PTPRK: variants seen among roughly 807,000 people sequenced by gnomAD.
PTPRK encodes protein tyrosine phosphatase receptor type K, also known as receptor-type tyrosine-protein phosphatase kappa.
Under a neutral mutation model 178.0 loss-of-function variants are expected in PTPRK, and 75 were observed. The observed-to-expected ratio is 0.42, with a 90% CI of 0.35 to 0.51. The LOEUF (loss-of-function observed/expected upper bound fraction) is 0.51. PTPRK is among the 20% of genes least tolerant of loss of function. PTPRK has a pLI of 0.02. For missense variants in PTPRK, 1,441 were observed against 1,797.8 expected (o/e 0.80, Z 3.59); for synonymous variants, 637 against 620.6 (o/e 1.03, Z -0.39).
At chr6:128,516,394 A>AG (rs1328014237) in intron 1 of PTPRK, among the ~76,000 whole-genome samples, 1 of 151,660 alleles carries the variant, frequency 6.6e-6, no homozygotes. Context: ...AACTAGAGAG[A>AG]GAAAAAAAAA....
rs778539463 is a variant in PTPRK at position 127,982,962 on chromosome 6, G to A, written c.3406C>T (p.His1136Tyr). 6.2e-7 allele frequency: 1 copy of A among 1,612,768 alleles called. No homozygotes were observed. The highest frequency in any genetic ancestry group is 1.1e-5 in the South Asian group (1 of 91,010). Residue 1136 changes from histidine (H) to tyrosine (Y), a missense_variant, in exon 24 of 30, where the codon CAT becomes TAT. His to Tyr is a moderately conservative substitution (Grantham distance 83). Around this residue, in one of 4 missense-constraint regions of PTPRK, gnomAD observed 335 missense variants for 512.4 expected, o/e 0.65. Coordinates refer to ENST00000368226, the MANE Select transcript of PTPRK (RefSeq NM_002844.4). Reference sequence around the variant, plus strand: ...AAGCAGGCTTCTAAAATGGCATCATGAATAAAAATGTACTGTTCCTACCAA... The same window carrying A: ...AAGCAGGCTTCTAAAATGGCATCATAAATAAAAATGTACTGTTCCTACCAA... ...VQTEEQYIFI[H>Y]DAILEACLCG...
intron 2 of PTPRK, among the ~76,000 whole-genome samples, chr6:128,360,986 T>C (rs1450565765): frequency 6.6e-6 from 1 of 152,196 alleles, no homozygotes; most frequent in Non-Finnish European, 1.5e-5. Context: ...TGTCCCATTA[T>C]AGCTTTCTTA....
At chr6:128,197,398 C>T (rs115769415) in intron 6 of PTPRK, among the ~76,000 whole-genome samples, 4,328 of 151,750 alleles carry the variant, frequency 0.029, 142 homozygotes, top group African/African-American at 0.08. Context: ...TGTCAAGATA[C>T]TAAACTTGGA....
intron 1 of PTPRK, among the ~76,000 whole-genome samples, chr6:128,515,798 T>G (rs976672790): frequency 1.3e-5 from 2 of 152,204 alleles, no homozygotes; most frequent in South Asian, 4.1e-4. Flanking sequence ...CCAGCATCTC[T>G]CTTCCTGCAC....
In PTPRK at chr6:128,338,516, A is replaced by T. The variant is rs1224653121; in HGVS notation, c.224-16206T>A. 3.3e-5 allele frequency among the ~76,000 whole-genome samples: 5 copies of T among 152,314 alleles called. No homozygotes were observed. In the East Asian group the frequency reaches 5.8e-4, roughly 18 times the overall value. ...CAGAATCCACTGTATCACTTTCAGC[A>T]AAAACAACCAGAAAAAAGTATTAAA... is the stretch of plus-strand genomic sequence containing the variant. On this transcript the variant is annotated intron_variant, in intron 2 of 29. Coordinates refer to ENST00000368226, the MANE Select transcript of PTPRK (RefSeq NM_002844.4).
intron 7 of PTPRK, among the ~76,000 whole-genome samples, chr6:128,104,840 C>T (rs1260372810): frequency 6.6e-6 from 1 of 151,986 alleles, no homozygotes; most frequent in South Asian, 2.1e-4. Flanking sequence ...ATTAGAATAA[C>T]AAAAATGTCA....
At chr6:128,406,074 T>C (rs761260516) in intron 1 of PTPRK, among the ~76,000 whole-genome samples, 5 of 151,708 alleles carry the variant, frequency 3.3e-5, no homozygotes, top group South Asian at 4.2e-4. Flanking sequence ...CTGGGCAACA[T>C]AGGGAGAACC....
At chr6:128,165,420 G>C (rs1012326550) in intron 7 of PTPRK, among the ~76,000 whole-genome samples, 3 of 151,216 alleles carry the variant, frequency 2.0e-5, no homozygotes, top group Non-Finnish European at 4.4e-5. Context: ...TTGCATGAGA[G>C]AGGTTTTGGT....
At chr6:128,296,635 G>A (rs1349586451) in intron 3 of PTPRK, among the ~76,000 whole-genome samples, 1 of 152,096 alleles carries the variant, frequency 6.6e-6, no homozygotes, top group Non-Finnish European at 1.5e-5. Flanking sequence ...AGCTTCATAA[G>A]TGAAGGAGAA....
intron 13 of PTPRK, among the ~76,000 whole-genome samples, chr6:128,010,609 A>C (rs1778946519): frequency 6.6e-6 from 1 of 151,324 alleles, no homozygotes; most frequent in South Asian, 2.1e-4. Flanking sequence ...CAAAGTAAGA[A>C]ATCTGAAAGA....
chr6:128,473,598 G>A (rs1455538256), intron 1 of PTPRK, among the ~76,000 whole-genome samples: 3 of 151,670 alleles, frequency 2.0e-5, no homozygotes, highest in East Asian at 1.9e-4. Flanking sequence ...TGATTTTTAC[G>A]ATCAGAAATC....
chr6:128,437,369 G>A (rs1011040059), intron 1 of PTPRK, among the ~76,000 whole-genome samples: 2 of 151,960 alleles, frequency 1.3e-5, no homozygotes, highest in African/African-American at 4.8e-5. Flanking sequence ...TTGAAATGGC[G>A]GTGTGCCTCC....
At chr6:128,184,231 G>T (rs1034345780) in intron 7 of PTPRK, among the ~76,000 whole-genome samples, 1 of 152,098 alleles carries the variant, frequency 6.6e-6, no homozygotes. Flanking sequence ...ATAATGGCTT[G>T]AGAATAGAGA....
At chr6:128,418,832 C>G (rs1843126354) in intron 1 of PTPRK, among the ~76,000 whole-genome samples, 1 of 152,110 alleles carries the variant, frequency 6.6e-6, no homozygotes, top group African/African-American at 2.4e-5. Context: ...TCTCAACCAC[C>G]TTCTTGTCTA....
At chr6:128,390,623 C>T (rs770881876) in intron 2 of PTPRK, among the ~76,000 whole-genome samples, 4 of 152,074 alleles carry the variant, frequency 2.6e-5, no homozygotes, top group African/African-American at 9.7e-5. Flanking sequence ...TGATGAAGCA[C>T]GGTGGTACTG....
intron 13 of PTPRK, among the ~76,000 whole-genome samples, chr6:128,022,907 A>C (rs2114767693): frequency 6.6e-6 from 1 of 152,350 alleles, no homozygotes; most frequent in South Asian, 2.1e-4. Context: ...ACACATACTT[A>C]GTAGGTTAAG....
At chr6:128,319,451 G>A (rs1402122318) in intron 3 of PTPRK, among the ~76,000 whole-genome samples, 1 of 152,128 alleles carries the variant, frequency 6.6e-6, no homozygotes, top group Non-Finnish European at 1.5e-5. Flanking sequence ...GAGTTAGCAT[G>A]ATGTGACCTC....
At chr6:128,150,035 T>A (rs1219529559) in intron 7 of PTPRK, among the ~76,000 whole-genome samples, 3 of 152,110 alleles carry the variant, frequency 2.0e-5, no homozygotes, top group African/African-American at 7.2e-5. Context: ...GAAACAGACA[T>A]AATGTTTGCT....
intron 11 of PTPRK, among the ~76,000 whole-genome samples, chr6:128,070,315 G>A (rs1229489324): frequency 6.6e-6 from 1 of 151,870 alleles, no homozygotes; most frequent in Non-Finnish European, 1.5e-5. Context: ...GAATATTTGT[G>A]CCCCCTCCCC....
Sources: gnomAD v4.1 joint callset for allele counts (sites outside exome capture counted in the v4.1 genomes callset) on GRCh38, gnomAD v4.1.1 for gene constraint, gnomAD v4.1.1 regional missense constraint, MANE v1.5 for transcripts, NCBI Gene and HGNC (gene_info 2026-07-23, HGNC 2026-07-21) for gene names.